Variants in PTPRD observed in about 807,000 individuals in gnomAD.
PTPRD encodes the protein receptor-type tyrosine-protein phosphatase delta.
PTPRD carries 34 observed loss-of-function variants against 214.5 expected under a neutral mutation model. The observed-to-expected ratio is 0.16, with a 90% CI of 0.12 to 0.21. PTPRD has a LOEUF of 0.21. Ranked by LOEUF, PTPRD falls within the 10% of genes least tolerant of loss-of-function variation. PTPRD has a pLI of 1.00. For missense variants in PTPRD, 2,545 were observed against 2,398.7 expected (o/e 1.06, Z -1.27); for synonymous variants, 1,128 against 845.7 (o/e 1.33, Z -5.79).
intron 8 of PTPRD, among the ~76,000 whole-genome samples, chr9:9,402,642 T>G (rs948804075): frequency 1.3e-5 from 2 of 151,820 alleles, no homozygotes; most frequent in Non-Finnish European, 2.9e-5. Context: ...TACCAAAACA[T>G]TGAGATAATG....
intron 2 of PTPRD, among the ~76,000 whole-genome samples, chr9:10,543,013 A>T (rs2059453003): frequency 6.6e-6 from 1 of 152,070 alleles, no homozygotes. Context: ...GGTCTCCCAA[A>T]GTGCTGGGAT....
In PTPRD at chr9:10,400,745, C is replaced by T. The variant is rs897792803; in HGVS notation, c.-599-59728G>A. On this transcript the variant is annotated intron_variant, in intron 2 of 45. Transcript: ENST00000381196. ...ATTATCAAAAATGTTTTTCCTATTT[C>T]CTTCTTAGTTTTTACTGATATTATA... 3.3e-5 allele frequency among the ~76,000 whole-genome samples: 5 copies of T among 151,372 alleles called. No homozygotes were observed. In the South Asian group the frequency reaches 1.0e-3, roughly 32 times the overall value.
At chr9:10,342,315 T>C (rs184326667) in intron 2 of PTPRD, among the ~76,000 whole-genome samples, 12 of 152,156 alleles carry the variant, frequency 7.9e-5, no homozygotes, top group African/African-American at 2.9e-4. Flanking sequence ...TCAAATAGAA[T>C]ATAGAAGAAA....
chr9:9,828,124 T>G (rs146167038), intron 5 of PTPRD, among the ~76,000 whole-genome samples: 26,688 of 151,994 alleles, frequency 0.18, 2,730 homozygotes, highest in African/African-American at 0.28. Context: ...GAACTAGAAA[T>G]AACATTTGAC....
At chr9:9,006,704 T>C (rs971372758) in intron 11 of PTPRD, among the ~76,000 whole-genome samples, 13 of 152,166 alleles carry the variant, frequency 8.5e-5, no homozygotes, top group African/African-American at 2.9e-4. Flanking sequence ...TTCCCTGATA[T>C]TTTAAAAAAG....
At chr9:10,268,567 C>T (rs927520633) in intron 3 of PTPRD, among the ~76,000 whole-genome samples, 1 of 152,140 alleles carries the variant, frequency 6.6e-6, no homozygotes, top group African/African-American at 2.4e-5. Context: ...CCACCTAACA[C>T]AGATAGATTG....
chr9:8,925,350 C>G (rs953785151), intron 11 of PTPRD, among the ~76,000 whole-genome samples: 2 of 151,960 alleles, frequency 1.3e-5, no homozygotes, highest in African/African-American at 4.8e-5. Flanking sequence ...AAGGTACATT[C>G]TCCACTATAT....
At chr9:8,820,586 T>C (rs1396764546) in intron 11 of PTPRD, among the ~76,000 whole-genome samples, 1 of 152,212 alleles carries the variant, frequency 6.6e-6, no homozygotes, top group African/African-American at 2.4e-5. Flanking sequence ...TTTATGTTTT[T>C]AGTTTTGAAA....
intron 10 of PTPRD, among the ~76,000 whole-genome samples, chr9:9,037,577 G>A (rs968453120): frequency 2.6e-5 from 4 of 152,164 alleles, no homozygotes; most frequent in Admixed American, 2.6e-4. Context: ...ATTGAACTCT[G>A]AGGATTCTTT....
chr9:8,879,957 T>C (rs972454665), intron 11 of PTPRD, among the ~76,000 whole-genome samples: 3 of 152,166 alleles, frequency 2.0e-5, no homozygotes, highest in Admixed American at 6.5e-5. Flanking sequence ...AGTGAGCCTT[T>C]TTCGTCTCCC....
rs552031308 is a variant in PTPRD, at chr9:9,152,572, T to C, written c.-143+30732A>G. On this transcript the variant is annotated intron_variant, in intron 10 of 45. Transcript: ENST00000381196. ...TCAGGAAAAAAAGAAAACGAAGTTG[T>C]CAACCAACTTTATCATTGGGTGGTG... is the stretch of plus-strand genomic sequence containing the variant. Among the ~76,000 whole-genome samples, 3 of 152,322 alleles carry C rather than the reference T, an allele frequency of 2.0e-5. No individual in the cohort carries two copies. The East Asian group carries it at 5.8e-4, about 29-fold the overall frequency.
chr9:8,536,535 C>G (rs1175257887), intron 14 of PTPRD, among the ~76,000 whole-genome samples: 2 of 151,952 alleles, frequency 1.3e-5, no homozygotes, highest in African/African-American at 4.8e-5. Flanking sequence ...TCTGCCATGT[C>G]TGTTAGCCAG....
intron 5 of PTPRD, among the ~76,000 whole-genome samples, chr9:9,890,806 A>G (rs1012731383): frequency 2.0e-5 from 3 of 152,058 alleles, no homozygotes; most frequent in African/African-American, 7.2e-5. Context: ...TCTCAAATAT[A>G]CTATGTCTCC....
chr9:9,677,486 G>T (rs555619447), intron 7 of PTPRD, among the ~76,000 whole-genome samples: 2 of 152,214 alleles, frequency 1.3e-5, no homozygotes, highest in South Asian at 4.1e-4. Context: ...TATCTCAATA[G>T]ATGCAGAAAA....
chr9:10,291,500 G>T (rs985697091), intron 3 of PTPRD, among the ~76,000 whole-genome samples: 3 of 152,078 alleles, frequency 2.0e-5, no homozygotes, highest in Non-Finnish European at 2.9e-5. Context: ...TTAATAAACA[G>T]TGGAGCAAAG....
At chr9:9,818,944 T>C (rs938160795) in intron 5 of PTPRD, among the ~76,000 whole-genome samples, 10 of 150,634 alleles carry the variant, frequency 6.6e-5, no homozygotes, top group Non-Finnish European at 1.3e-4. Flanking sequence ...AAAAAGTTCG[T>C]ATGTATGTCT....
At chr9:9,853,622 C>T (rs1021767949) in intron 5 of PTPRD, among the ~76,000 whole-genome samples, 6 of 151,788 alleles carry the variant, frequency 4.0e-5, no homozygotes, top group African/African-American at 1.5e-4. Flanking sequence ...TATCTCAGGT[C>T]GCTGCAACCT....
intron 10 of PTPRD, among the ~76,000 whole-genome samples, chr9:9,153,404 T>A (rs115313105): frequency 1.7e-3 from 260 of 152,284 alleles, no homozygotes; most frequent in African/African-American, 5.9e-3. Context: ...AGGATGTATG[T>A]TCTGAGAGTG....
At chr9:8,831,409 G>C (rs892124154) in intron 11 of PTPRD, among the ~76,000 whole-genome samples, 5 of 151,948 alleles carry the variant, frequency 3.3e-5, no homozygotes, top group South Asian at 2.1e-4. Context: ...AACTGCATTA[G>C]GAGACCGGAC....
Sources: allele counts gnomAD v4.1 joint callset (sites outside exome capture counted in the v4.1 genomes callset), GRCh38; gene constraint gnomAD v4.1.1; transcripts MANE v1.5; gene names NCBI Gene and HGNC (gene_info 2026-07-23, HGNC 2026-07-21).